The following ZFAT variants were observed in gnomAD, a reference collection of about 807,000 sequenced individuals.
ZFAT encodes the protein zinc finger protein ZFAT.
ZFAT carries 64 observed loss-of-function variants against 117.7 expected under a neutral mutation model. The observed-to-expected ratio is 0.54, with a 90% CI of 0.44 to 0.67. The LOEUF is 0.67. Ranked by LOEUF, ZFAT falls within the 30% of genes least tolerant of loss-of-function variation. The pLI, the probability that ZFAT is intolerant of heterozygous loss-of-function variation, is 0.00. For missense variants in ZFAT, 1,433 were observed against 1,584.5 expected (o/e 0.90, Z 1.62); for synonymous variants, 679 against 615.0 (o/e 1.10, Z -1.54).
At chr8:134,547,503 CCCACAGAACTGT>C (rs1327074126) in intron 11 of ZFAT, among the ~76,000 whole-genome samples, 3 of 146,236 alleles carry the variant, frequency 2.1e-5, no homozygotes, top group East Asian at 3.9e-4. Flanking sequence ...TACAGAACTG[CCCACAGAACTGT>C]CCACAGAACT....
chr8:134,555,689 GA>G (rs1563843387), intron 11 of ZFAT, among the ~76,000 whole-genome samples: 1 of 150,204 alleles, frequency 6.7e-6, no homozygotes, highest in African/African-American at 2.4e-5. Flanking sequence ...GCCCTGCAGG[GA>G]AAAAAAGAAA....
chr8:134,773,428 T>G, the ZFAT span, among the ~76,000 whole-genome samples: 48 of 152,348 alleles, frequency 3.2e-4, no homozygotes, highest in East Asian at 8.1e-3. Flanking sequence ...ATGTACAAGA[T>G]GAGTGTTTTC....
At chr8:134,557,618 A>C (rs900499425) in intron 11 of ZFAT, among the ~76,000 whole-genome samples, 1 of 152,260 alleles carries the variant, frequency 6.6e-6, no homozygotes, top group Non-Finnish European at 1.5e-5. Context: ...TAAAATAAAA[A>C]GTCAATACAA....
chr8:134,700,025 C>T (rs973210598), intron 1 of ZFAT, among the ~76,000 whole-genome samples: 8 of 152,238 alleles, frequency 5.3e-5, no homozygotes, highest in African/African-American at 1.7e-4. Flanking sequence ...AAGCTGCAAG[C>T]TGCCTCTGAT....
chr8:134,778,530 A>G, the ZFAT span, among the ~76,000 whole-genome samples: 3 of 152,242 alleles, frequency 2.0e-5, no homozygotes, highest in Non-Finnish European at 4.4e-5. Flanking sequence ...CGTTCATCAA[A>G]CATACCTGAT....
At chr8:134,555,801 G>A (rs1320825849) in intron 11 of ZFAT, among the ~76,000 whole-genome samples, 7 of 147,528 alleles carry the variant, frequency 4.7e-5, no homozygotes, top group East Asian at 2.0e-4. Flanking sequence ...GAACAAATAC[G>A]TTAAAAGCTC....
the ZFAT span, among the ~76,000 whole-genome samples, chr8:134,744,189 G>A: frequency 1.3e-5 from 2 of 152,072 alleles, 1 homozygote; most frequent in South Asian, 4.1e-4. Flanking sequence ...CTCACTGGTG[G>A]TTGGCAGAAT....
At chr8:134,482,172 G>C (rs1817357540) in intron 15 of ZFAT, among the ~76,000 whole-genome samples, 2 of 152,058 alleles carry the variant, frequency 1.3e-5, no homozygotes, top group Non-Finnish European at 2.9e-5. Flanking sequence ...CTTCTTCTCT[G>C]ACCCCCCGGG....
the ZFAT span, among the ~76,000 whole-genome samples, chr8:134,818,453 C>CT: frequency 6.6e-6 from 1 of 152,186 alleles, no homozygotes; most frequent in Non-Finnish European, 1.5e-5. Flanking sequence ...ATTAAAAAGA[C>CT]TGACTGCACC....
At chr8:134,722,419 C>T in the ZFAT span, among the ~76,000 whole-genome samples, 7 of 152,296 alleles carry the variant, frequency 4.6e-5, no homozygotes, top group Admixed American at 3.3e-4. Context: ...GAGTTGTTCC[C>T]GGCAGCCTCC....
chr8:134,527,178 G>GT (rs1487879006), intron 12 of ZFAT, among the ~76,000 whole-genome samples: 7 of 152,214 alleles, frequency 4.6e-5, no homozygotes, highest in African/African-American at 1.7e-4. Flanking sequence ...GGCAAGGAAT[G>GT]TAGGTAGCCT....
intron 10 of ZFAT, among the ~76,000 whole-genome samples, chr8:134,569,199 C>T (rs1824697392): frequency 6.6e-6 from 1 of 152,128 alleles, no homozygotes; most frequent in South Asian, 2.1e-4. Context: ...GGCAGTGTCA[C>T]CCTTTCATGG....
At chr8:134,819,029 C>T in the ZFAT span, among the ~76,000 whole-genome samples, 1 of 152,090 alleles carries the variant, frequency 6.6e-6, no homozygotes, top group South Asian at 2.1e-4. Flanking sequence ...ACAAACTGCA[C>T]ATTGTAATAT....
chr8:134,658,292 A>C (rs575886134), intron 1 of ZFAT, among the ~76,000 whole-genome samples: 4 of 146,196 alleles, frequency 2.7e-5, no homozygotes, highest in Non-Finnish European at 4.5e-5. Flanking sequence ...AGCCGAGATC[A>C]CGCCACTGCA....
intron 1 of ZFAT, among the ~76,000 whole-genome samples, chr8:134,679,328 A>G (rs946125899): frequency 6.6e-6 from 1 of 152,282 alleles, no homozygotes; most frequent in Admixed American, 6.5e-5. Context: ...GCCAACAAAC[A>G]TATGAAAAAA....
intron 1 of ZFAT, among the ~76,000 whole-genome samples, chr8:134,664,791 A>G (rs900955959): frequency 5.3e-5 from 8 of 152,254 alleles, no homozygotes; most frequent in Non-Finnish European, 8.8e-5. Context: ...TTATGTTGTC[A>G]GCTAATCCTG....
chr8:134,481,885 G>A (rs1360932066), intron 15 of ZFAT, among the ~76,000 whole-genome samples: 4 of 152,212 alleles, frequency 2.6e-5, no homozygotes, highest in East Asian at 3.9e-4. Flanking sequence ...CATCACAGGC[G>A]AGAGAAGAGA....
chr8:134,600,456 G>A lies in ZFAT; in HGVS notation c.2455C>T (p.Leu819Phe). 6.2e-7 allele frequency: 1 copy of A among 1,614,222 alleles called. No homozygotes were observed. The highest frequency in any genetic ancestry group is 8.5e-7 in the Non-Finnish European group (1 of 1,180,032). ...TPDKYKLQAH[L>F]KVHTALDKRS... Reference sequence around the variant, plus strand: ...CTTACCAGTGCTGTGTGAACTTTAAGATGTGCCTGTAGCTTATATTTATCT... The same window carrying A: ...CTTACCAGTGCTGTGTGAACTTTAAAATGTGCCTGTAGCTTATATTTATCT... Residue 819 changes from leucine (L) to phenylalanine (F), a missense_variant, in exon 7 of 16, where the codon CTT becomes TTT. By Grantham distance (22) the Leu-to-Phe change is conservative. Around this residue, in one of 5 missense-constraint regions of ZFAT, gnomAD observed 49 missense variants for 81.5 expected, o/e 0.60. Transcript: ENST00000377838.
chr8:134,643,551 A>T (rs186163410), intron 2 of ZFAT, among the ~76,000 whole-genome samples: 11 of 152,332 alleles, frequency 7.2e-5, no homozygotes, highest in Non-Finnish European at 1.5e-4. Context: ...TCAGTATCTT[A>T]TCTCTCTTTG....
Sources: allele counts gnomAD v4.1 joint callset (sites outside exome capture counted in the v4.1 genomes callset), GRCh38; gene constraint gnomAD v4.1.1; regional missense constraint gnomAD v4.1.1; transcripts MANE v1.5; gene names NCBI Gene and HGNC (gene_info 2026-07-23, HGNC 2026-07-21).